The following HOTAIR variants were observed in gnomAD, a reference collection of about 807,000 sequenced individuals.
HOTAIR encodes HOX transcript antisense RNA.
intron 1 of HOTAIR, among the ~76,000 whole-genome samples, chr12:53,972,658 C>T (rs935478155): frequency 6.6e-6 from 1 of 152,168 alleles, no homozygotes; most frequent in Non-Finnish European, 1.5e-5. Context: ...GGCGGTGTCT[C>T]TGCGGGTTGG....
chr12:53,969,779 TC>T (rs1305311736), intron 1 of HOTAIR, among the ~76,000 whole-genome samples: 2 of 152,146 alleles, frequency 1.3e-5, no homozygotes, highest in African/African-American at 4.8e-5. Context: ...GAATTTACAA[TC>T]CAAGCCCACT....
intron 1 of HOTAIR, among the ~76,000 whole-genome samples, chr12:53,970,768 G>T (rs1332481821): frequency 6.6e-6 from 1 of 152,140 alleles, no homozygotes; most frequent in Non-Finnish European, 1.5e-5. Context: ...AACTTTGGTG[G>T]TCAAATTCAA....
At chr12:53,964,126 T>C (rs1024288330) in intron 6 of HOTAIR, 7 of 152,012 alleles carry the variant, frequency 4.6e-5, no homozygotes, top group African/African-American at 1.7e-4. Flanking sequence ...CCCAACGAGC[T>C]TGTGAAAAAA....
chr12:53,971,790 C>A (rs906501340), intron 1 of HOTAIR, among the ~76,000 whole-genome samples: 2 of 152,222 alleles, frequency 1.3e-5, no homozygotes, highest in Non-Finnish European at 2.9e-5. Context: ...TTTTCAGATG[C>A]CCACATGTGT....
chr12:53,974,938 G>T, exon 1 of HOTAIR: 2 of 521,658 alleles, frequency 3.8e-6, no homozygotes, highest in Non-Finnish European at 6.7e-6. Context: ...GTCAGCCGCG[G>T]CTCTCGCCTG....
At position 53,973,912 on chromosome 12, in the gene HOTAIR, G is replaced by A. The variant is rs1390422425; in HGVS notation, n.59+986C>T. ...TCCGTGGCCAAGGAGCCGGCCAAAG[G>A]AGCCGCCCCCAGTAGGTAGCAGCGG... On this transcript the variant is annotated intron_variant and non_coding_transcript_variant, in intron 1 of 6. Coordinates refer to ENST00000424518, the Ensembl canonical transcript of HOTAIR. The surrounding 1 kb of genome is among the most constrained non-coding windows in gnomAD (Gnocchi z 4.3). 19 of 1,443,556 alleles carry A rather than the reference G, an allele frequency of 1.3e-5. No homozygotes were observed. The highest frequency in any genetic ancestry group is 2.9e-5 in the Admixed American group (1 of 34,262). The allele number at this position is 1,443,556 out of a possible 1,614,324, so 89.4% of individuals were successfully genotyped here.
chr12:53,964,226 C>T (rs1273883923), intron 6 of HOTAIR: 1 of 150,190 alleles, frequency 6.7e-6, no homozygotes, highest in East Asian at 1.9e-4. Flanking sequence ...AAAAAAACAA[C>T]AAACCTTGGG....
intron 1 of HOTAIR, among the ~76,000 whole-genome samples, chr12:53,974,278 A>G (rs1449936483): frequency 1.4e-5 from 2 of 147,400 alleles, no homozygotes; most frequent in East Asian, 4.3e-4. Context: ...GCATTTAAGG[A>G]AGTATGGGGA....
chr12:53,972,993 T>C (rs1035946633), intron 1 of HOTAIR: 1 of 220,880 alleles, frequency 4.5e-6, no homozygotes, highest in Non-Finnish European at 8.7e-6. Context: ...AAATCTGCAA[T>C]TGATTTTCAT....
chr12:53,964,372 CT>C (rs1426134407), intron 5 of HOTAIR: 2 of 151,856 alleles, frequency 1.3e-5, no homozygotes, highest in Non-Finnish European at 2.9e-5. Context: ...TGATCTGAGT[CT>C]CCTTTAAAGG....
intron 5 of HOTAIR, among the ~76,000 whole-genome samples, chr12:53,965,501 G>C (rs1939035228): frequency 6.6e-6 from 1 of 152,260 alleles, no homozygotes; most frequent in African/African-American, 2.4e-5. Flanking sequence ...GCAAAAGCCA[G>C]GCTGGGGCTG....
chr12:53,974,238 G>A (rs567135267), intron 1 of HOTAIR, among the ~76,000 whole-genome samples: 14 of 147,936 alleles, frequency 9.5e-5, no homozygotes, highest in African/African-American at 3.4e-4. Context: ...CATTGCGGGC[G>A]ATATTAACTT....
chr12:53,967,660 T>C (rs1484080879), intron 2 of HOTAIR, among the ~76,000 whole-genome samples: 1 of 152,210 alleles, frequency 6.6e-6, no homozygotes, highest in Non-Finnish European at 1.5e-5. Flanking sequence ...TTTAAACAGT[T>C]GAAATGGACT....
chr12:53,970,936 G>T (rs944542092), intron 1 of HOTAIR, among the ~76,000 whole-genome samples: 4 of 152,154 alleles, frequency 2.6e-5, no homozygotes, highest in Non-Finnish European at 4.4e-5. Flanking sequence ...GGAGAAAGCG[G>T]GATCTGAGAC....
At chr12:53,971,238 C>T (rs1052399278) in intron 1 of HOTAIR, among the ~76,000 whole-genome samples, 5 of 152,198 alleles carry the variant, frequency 3.3e-5, no homozygotes, top group African/African-American at 9.7e-5. Context: ...CAATCTAGTT[C>T]TTCTTTGCTT....
At chr12:53,972,473 CA>C (rs1193771145) in intron 1 of HOTAIR, among the ~76,000 whole-genome samples, 1 of 151,382 alleles carries the variant, frequency 6.6e-6, no homozygotes, top group East Asian at 1.9e-4. Context: ...ACTCCCTAGC[CA>C]GGGGCAGCAC....
intron 1 of HOTAIR, among the ~76,000 whole-genome samples, chr12:53,970,862 G>T (rs1221034544): frequency 6.6e-6 from 1 of 152,100 alleles, no homozygotes; most frequent in Admixed American, 6.5e-5. Flanking sequence ...TGCCTTGGGG[G>T]ATTGGGCCCC....
chr12:53,963,495 C>G (rs1013707331), exon 7 of HOTAIR: 2 of 152,258 alleles, frequency 1.3e-5, no homozygotes, highest in Admixed American at 1.3e-4. Flanking sequence ...AGTGCACTCA[C>G]GCCCAACAGA....
chr12:53,963,789 A>G (rs1433417836), exon 7 of HOTAIR: 2 of 152,180 alleles, frequency 1.3e-5, no homozygotes, highest in African/African-American at 4.8e-5. Flanking sequence ...CTGCCCCGGC[A>G]CCCGCTCAGG....
Sources: gnomAD v4.1 joint callset for allele counts (sites outside exome capture counted in the v4.1 genomes callset) on GRCh38, gnomAD v4.1.1 for gene constraint, Gnocchi (gnomAD v3.1) non-coding constraint, MANE v1.5 for transcripts, NCBI Gene and HGNC (gene_info 2026-07-23, HGNC 2026-07-21) for gene names.